Variants in CRB1 observed in about 807,000 individuals in gnomAD.
CRB1 encodes the protein crumbs cell polarity complex component 1.
A neutral mutation model predicts 120.0 loss-of-function variants in CRB1; 83 were observed. The ratio of observed to expected loss-of-function variants is 0.69; its 90% CI spans 0.58 to 0.83. The LOEUF is 0.83. Ranked by LOEUF, CRB1 falls within the 40% of genes least tolerant of loss-of-function variation. CRB1 has a pLI of 0.00. For synonymous variants in CRB1, 625 were observed against 612.5 expected, an observed-to-expected ratio of 1.02 and a Z score of -0.30; for missense variants, 1,699 against 1,687.6, an observed-to-expected ratio of 1.01 and a Z score of -0.12.
intron 5 of CRB1, among the ~76,000 whole-genome samples, chr1:197,409,729 T>C (rs1663601237): frequency 6.6e-6 from 1 of 152,160 alleles, no homozygotes; most frequent in Non-Finnish European, 1.5e-5. Flanking sequence ...AATGGCCACA[T>C]AAATAAAGCA....
chr1:197,245,415 T>C, the CRB1 span, among the ~76,000 whole-genome samples: 1 of 152,040 alleles, frequency 6.6e-6, no homozygotes, highest in Non-Finnish European at 1.5e-5. Flanking sequence ...GAGGATCACT[T>C]AGGCCCAGGA....
At chr1:197,394,962 A>G (rs1219541068) in intron 5 of CRB1, among the ~76,000 whole-genome samples, 1 of 152,152 alleles carries the variant, frequency 6.6e-6, no homozygotes, top group Admixed American at 6.6e-5. Context: ...AAATAAATAA[A>G]TAACTCTGAC....
intron 11 of CRB1, among the ~76,000 whole-genome samples, chr1:197,470,965 G>T (rs1367095071): frequency 6.6e-6 from 1 of 152,162 alleles, no homozygotes; most frequent in Non-Finnish European, 1.5e-5. Flanking sequence ...TGTTGAGGTT[G>T]ATTGTTTAAC....
the CRB1 span, among the ~76,000 whole-genome samples, chr1:197,221,289 G>A: frequency 6.6e-6 from 1 of 152,160 alleles, no homozygotes; most frequent in African/African-American, 2.4e-5. Context: ...CATAAGAAAC[G>A]GGAAGATAAA....
At chr1:197,446,518 T>C (rs1039450436) in intron 11 of CRB1, among the ~76,000 whole-genome samples, 1 of 152,076 alleles carries the variant, frequency 6.6e-6, no homozygotes, top group Non-Finnish European at 1.5e-5. Flanking sequence ...GAGGCCTTGG[T>C]TTTTCATCAT....
intron 1 of CRB1, among the ~76,000 whole-genome samples, chr1:197,325,337 A>C (rs529539725): frequency 5.3e-5 from 8 of 152,306 alleles, no homozygotes; most frequent in Admixed American, 2.0e-4. Context: ...CTCCAGTAGC[A>C]TTGTTTATAC....
chr1:197,307,447 A>G (rs1657239265), intron 1 of CRB1, among the ~76,000 whole-genome samples: 1 of 152,214 alleles, frequency 6.6e-6, no homozygotes. Context: ...GGATGATACA[A>G]AGGAAATAAG....
At chr1:197,252,086 T>C in the CRB1 span, among the ~76,000 whole-genome samples, 1 of 151,966 alleles carries the variant, frequency 6.6e-6, no homozygotes, top group Non-Finnish European at 1.5e-5. Context: ...GCAATCTTTT[T>C]TGGTAAAGTT....
chr1:197,436,155 G>T (rs1376198158), intron 9 of CRB1, among the ~76,000 whole-genome samples: 1 of 152,014 alleles, frequency 6.6e-6, no homozygotes, highest in African/African-American at 2.4e-5. Context: ...TATCAGCCTG[G>T]TTGACCACAA....
At chr1:197,375,658 A>G (rs1661606819) in intron 5 of CRB1, among the ~76,000 whole-genome samples, 1 of 152,170 alleles carries the variant, frequency 6.6e-6, no homozygotes, top group Admixed American at 6.5e-5. Context: ...TTCCATTACA[A>G]CATTCCCACC....
intron 1 of CRB1, among the ~76,000 whole-genome samples, chr1:197,313,718 G>T (rs1657681935): frequency 6.6e-6 from 1 of 151,926 alleles, no homozygotes; most frequent in Non-Finnish European, 1.5e-5. Flanking sequence ...TCTGTGCCTG[G>T]CTTCTTTCAC....
intron 1 of CRB1, among the ~76,000 whole-genome samples, chr1:197,283,300 A>G (rs914050575): frequency 1.3e-5 from 2 of 151,378 alleles, no homozygotes; most frequent in Non-Finnish European, 3.0e-5. Context: ...TACATGAGTA[A>G]GTTCTTTAGT....
rs1013704098 is a variant in CRB1, at chr1:197,427,846, A to G, written c.2521A>G (p.Thr841Ala). The change falls in exon 7 of 12, where the codon ACT (threonine) becomes GCT (alanine). Residue 841 changes from threonine to alanine, a missense_variant. By Grantham distance (58) the Thr-to-Ala change is moderately conservative. Transcript: ENST00000367400. ...YIGGLPDKQE[T>A]ELNGGFFKGC... is the part of the protein sequence containing the mutation. ...TGGTGGCCTACCTGACAAGCAAGAGACTGAACTTAATGGTGGATTCTTCAA... is the reference window on the plus strand; with the variant it reads ...TGGTGGCCTACCTGACAAGCAAGAGGCTGAACTTAATGGTGGATTCTTCAA... 3.1e-6 allele frequency: 5 copies of G among 1,614,038 alleles called. No individual in the cohort carries two copies. The highest frequency in any genetic ancestry group is 4.2e-6 in the Non-Finnish European group (5 of 1,179,974).
chr1:197,406,022 C>A (rs1663371155), intron 5 of CRB1, among the ~76,000 whole-genome samples: 1 of 151,880 alleles, frequency 6.6e-6, no homozygotes, highest in South Asian at 2.1e-4. Flanking sequence ...CCGGCCGCCC[C>A]TACTGGGAAG....
intron 1 of CRB1, among the ~76,000 whole-genome samples, chr1:197,296,815 G>A (rs971731848): frequency 2.2e-4 from 33 of 152,006 alleles, no homozygotes; most frequent in Admixed American, 1.2e-3. Flanking sequence ...TCATAAGGGG[G>A]AACCCCTTTC....
At chr1:197,358,526 G>A (rs1660604930) in intron 5 of CRB1, among the ~76,000 whole-genome samples, 1 of 152,178 alleles carries the variant, frequency 6.6e-6, no homozygotes, top group African/African-American at 2.4e-5. Flanking sequence ...AAGATGTCCT[G>A]ACTGCCCCAA....
rs938886031 is a variant in CRB1 at position 197,405,841 on chromosome 1, C to G, written c.1172-15159C>G. Among the ~76,000 whole-genome samples the G allele has an allele frequency of 4.0e-5, 6 of 151,878 alleles. No homozygotes were observed. In the South Asian group the frequency reaches 1.2e-3, roughly 32 times the overall value. ...AGAAGTGAGGAGCCCCTCCACCTGG[C>G]AGCCACCCCGTCTGGGAAGTGAGGA... is the stretch of plus-strand genomic sequence containing the variant. On this transcript the variant is annotated intron_variant, in intron 5 of 11. Transcript: ENST00000367400.
chr1:197,353,584 T>C (rs905341989), intron 4 of CRB1, among the ~76,000 whole-genome samples: 1 of 152,096 alleles, frequency 6.6e-6, no homozygotes, highest in African/African-American at 2.4e-5. Context: ...GTGGATCACC[T>C]AAGGTCAGGA....
At chr1:197,426,854 A>T (rs1012267972) in intron 6 of CRB1, among the ~76,000 whole-genome samples, 2 of 152,194 alleles carry the variant, frequency 1.3e-5, no homozygotes, top group African/African-American at 4.8e-5. Flanking sequence ...TTATTTACAG[A>T]CTAAAAACCT....
Sources: allele counts gnomAD v4.1 joint callset (sites outside exome capture counted in the v4.1 genomes callset), GRCh38; gene constraint gnomAD v4.1.1; transcripts MANE v1.5; gene names NCBI Gene and HGNC (gene_info 2026-07-23, HGNC 2026-07-21).